FRAS1: variants seen among roughly 807,000 people sequenced by gnomAD.
FRAS1 encodes the protein extracellular matrix organizing protein FRAS1.
FRAS1 carries 290 observed loss-of-function variants against 435.2 expected under a neutral mutation model. The ratio of observed to expected loss-of-function variants is 0.67; its 90% CI spans 0.61 to 0.73. The LOEUF is 0.73. Among genes scored for constraint, FRAS1 ranks in the 30% least tolerant of loss-of-function variants. The pLI, the probability that FRAS1 is intolerant of heterozygous loss-of-function variation, is 0.00. For synonymous variants in FRAS1, 1,800 were observed against 1,851.0 expected (o/e 0.97, Z 0.71); for missense variants, 4,860 against 5,001.5 (o/e 0.97, Z 0.85).
At position 78,473,572 on chromosome 4, in the gene FRAS1, T is replaced by C. The variant is rs758474769; in HGVS notation, c.7657T>C (p.Ser2553Pro). Residue 2553 changes from serine to proline, a missense_variant, in exon 53 of 74, where the codon TCA becomes CCA. Physicochemically the swap from Ser to Pro is moderately conservative, Grantham distance 74. Coordinates refer to ENST00000512123, the MANE Select transcript of FRAS1 (RefSeq NM_025074.7). ...VSDNVFHIQW[S>P]LISFKYTSYN... Reference sequence around the variant, plus strand: ...CGACAATGTCTTCCATATCCAGTGGTCACTCATCAGCTTTAAATATACCAG... The same window carrying C: ...CGACAATGTCTTCCATATCCAGTGGCCACTCATCAGCTTTAAATATACCAG... 1.2e-6 allele frequency: 2 copies of C among 1,608,908 alleles called. No individual in the cohort carries two copies. The highest frequency in any genetic ancestry group is 4.5e-5 in the East Asian group (2 of 44,740).
At chr4:78,251,180 G>T (rs1435470364) in intron 4 of FRAS1, among the ~76,000 whole-genome samples, 1 of 152,134 alleles carries the variant, frequency 6.6e-6, no homozygotes, top group Non-Finnish European at 1.5e-5. Context: ...CCCACAGTTT[G>T]TGGACTTGCC....
At chr4:78,151,517 A>C (rs1167836027) in intron 2 of FRAS1, among the ~76,000 whole-genome samples, 1 of 152,190 alleles carries the variant, frequency 6.6e-6, no homozygotes, top group Non-Finnish European at 1.5e-5. Context: ...TGAGGGAGGC[A>C]GTATGTTTCA....
intron 14 of FRAS1, among the ~76,000 whole-genome samples, chr4:78,294,134 T>C (rs1030163334): frequency 4.6e-5 from 7 of 152,200 alleles, no homozygotes; most frequent in Non-Finnish European, 8.8e-5. Flanking sequence ...CCAAGCACTG[T>C]CCCTGTTCTG....
rs1730339542 is a variant in FRAS1 at position 78,340,054 on chromosome 4, T to G, written c.2422+2237T>G. On this transcript the variant is annotated intron_variant, in intron 20 of 73. Coordinates refer to ENST00000512123, the MANE Select transcript of FRAS1 (RefSeq NM_025074.7). ...GTTTATATAAGGAGATTAGAAAAAT[T>G]TAATTTTTAATGAGCTCTGTTCTAA... Among the ~76,000 whole-genome samples the G allele has an allele frequency of 2.0e-5, 3 of 152,340 alleles. No individual in the cohort carries two copies. In the South Asian group the frequency reaches 6.2e-4, roughly 32 times the overall value.
At chr4:78,513,607 T>C in intron 65 of FRAS1, 55 bp downstream of exon 65, 1 of 1,484,170 alleles carries the variant, frequency 6.7e-7, no homozygotes, top group Non-Finnish European at 9.3e-7. Flanking sequence ...TGCAGTTGAC[T>C]TTCAGGATAT....
intron 2 of FRAS1, among the ~76,000 whole-genome samples, chr4:78,179,609 G>A (rs1721915264): frequency 6.6e-6 from 1 of 152,186 alleles, no homozygotes; most frequent in Non-Finnish European, 1.5e-5. Flanking sequence ...TCCAAAGAAG[G>A]TGAATAAAGG....
At chr4:78,475,877 A>G (rs1442472164) in intron 54 of FRAS1, among the ~76,000 whole-genome samples, 1 of 152,216 alleles carries the variant, frequency 6.6e-6, no homozygotes, top group African/African-American at 2.4e-5. Context: ...GTCTCCAAGC[A>G]TCATGTTCTA....
At chr4:78,539,820 T>C (rs1453496689) in intron 73 of FRAS1, among the ~76,000 whole-genome samples, 1 of 152,234 alleles carries the variant, frequency 6.6e-6, no homozygotes, top group Non-Finnish European at 1.5e-5. Context: ...CAATTTAGAA[T>C]AGCAAGAATT....
intron 58 of FRAS1, among the ~76,000 whole-genome samples, 187 bp from the exon 59 acceptor site, chr4:78,488,688 C>T (rs114640760): frequency 0.02 from 3,079 of 152,298 alleles, 107 homozygotes; most frequent in African/African-American, 0.07. Flanking sequence ...ATAGTAGAAG[C>T]AGTTCCCTTG....
intron 2 of FRAS1, among the ~76,000 whole-genome samples, chr4:78,159,882 A>G (rs1247663080): frequency 1.3e-5 from 2 of 151,730 alleles, no homozygotes; most frequent in African/African-American, 4.8e-5. Context: ...CTCCATCTCA[A>G]AAAAACAAAA....
intron 20 of FRAS1, among the ~76,000 whole-genome samples, chr4:78,354,476 G>A (rs190841377): frequency 6.6e-6 from 1 of 152,250 alleles, no homozygotes; most frequent in African/African-American, 2.4e-5. Flanking sequence ...GAGATAGGAT[G>A]CTTCTTTTTC....
At chr4:78,409,475 G>A (rs1015944647) in intron 31 of FRAS1, among the ~76,000 whole-genome samples, 8 of 152,054 alleles carry the variant, frequency 5.3e-5, no homozygotes, top group Non-Finnish European at 1.2e-4. Context: ...CCAGAGAACC[G>A]CAAGGGAAAC....
intron 14 of FRAS1, among the ~76,000 whole-genome samples, chr4:78,302,006 C>A (rs1351862077): frequency 2.6e-5 from 4 of 151,576 alleles, no homozygotes; most frequent in Non-Finnish European, 5.9e-5. Context: ...CCTCCCCACT[C>A]CCCCCACCCC....
At chr4:78,067,642 ATTTG>A (rs1578102217) in intron 2 of FRAS1, among the ~76,000 whole-genome samples, 1 of 139,208 alleles carries the variant, frequency 7.2e-6, no homozygotes, top group African/African-American at 2.8e-5. Flanking sequence ...GCTCTGCTAC[ATTTG>A]TTTCTTTTTC....
At chr4:78,090,663 C>T (rs1024017231) in intron 2 of FRAS1, among the ~76,000 whole-genome samples, 5 of 152,110 alleles carry the variant, frequency 3.3e-5, no homozygotes, top group Admixed American at 2.0e-4. Flanking sequence ...ATTCCTAAAG[C>T]GCAGCTGTGT....
chr4:78,170,048 A>G (rs1380787251), intron 2 of FRAS1, among the ~76,000 whole-genome samples: 1 of 152,182 alleles, frequency 6.6e-6, no homozygotes, highest in African/African-American at 2.4e-5. Flanking sequence ...ATTAACTAAT[A>G]GAACATGACA....
chr4:78,118,823 G>C (rs540784922), intron 2 of FRAS1, among the ~76,000 whole-genome samples: 5 of 152,108 alleles, frequency 3.3e-5, no homozygotes, highest in African/African-American at 7.2e-5. Context: ...TGCACTCACT[G>C]TCCTGCACCC....
chr4:78,450,495 T>TTC, intron 45 of FRAS1, 156 bp downstream of exon 45: 1 of 648,086 alleles, frequency 1.5e-6, no homozygotes, highest in East Asian at 2.8e-5. Context: ...ATTTTTTTTT[T>TTC]CTTTTTGTTT....
intron 2 of FRAS1, among the ~76,000 whole-genome samples, chr4:78,085,674 A>C (rs891365975): frequency 6.6e-6 from 1 of 152,154 alleles, no homozygotes; most frequent in African/African-American, 2.4e-5. Context: ...TTAAGAGACA[A>C]AGAAGGCCAT....
Sources: allele counts gnomAD v4.1 joint callset (sites outside exome capture counted in the v4.1 genomes callset), GRCh38; gene constraint gnomAD v4.1.1; transcripts MANE v1.5; gene names NCBI Gene and HGNC (gene_info 2026-07-23, HGNC 2026-07-21).